The following RAB3A variants were observed in gnomAD, a reference collection of about 807,000 sequenced individuals.
RAB3A encodes ras-related protein Rab-3A.
Under a neutral mutation model 19.7 loss-of-function variants are expected in RAB3A, and 5 were observed. The observed-to-expected ratio is 0.25, with a 90% CI of 0.13 to 0.53. RAB3A has a LOEUF of 0.53. RAB3A is among the 20% of genes least tolerant of loss of function. The pLI is 0.95. For synonymous variants in RAB3A, 119 were observed against 122.1 expected (o/e 0.97, Z 0.17); for missense variants, 189 against 305.6 (o/e 0.62, Z 2.85).
At position 18,202,824 on chromosome 19, in the gene RAB3A, C is replaced by T; in HGVS notation, c.1-84G>A. 3 of 1,095,066 alleles carry T rather than the reference C, an allele frequency of 2.7e-6. No individual in the cohort carries two copies. Among genetic ancestry groups the T allele is most frequent in the Non-Finnish European group, 4.1e-6 (3 of 726,938 alleles). The allele number at this position is 1,095,066 out of a possible 1,614,324, so 67.8% of individuals were successfully genotyped here. ...AAGCCCAGGCAGAAGATGGCAAGGG[C>T]TCCAGAAAACGGCCGGTGTATGGAG... On this transcript the variant is annotated intron_variant, in intron 1 of 4. Coordinates refer to ENST00000222256, the MANE Select transcript of RAB3A (RefSeq NM_002866.5). This position sits in a 1 kb window ranked among gnomAD's most constrained non-coding sequence, Gnocchi z 4.2.
In RAB3A at chr19:18,197,299, C is replaced by T. The variant is rs1365691095; in HGVS notation, c.*171G>A. 3.0e-6 allele frequency: 2 copies of T among 658,886 alleles called. No homozygotes were observed. The highest frequency in any genetic ancestry group is 2.5e-6 in the Non-Finnish European group (1 of 403,130). The allele number at this position is 658,886 out of a possible 1,614,324, so 40.8% of individuals were successfully genotyped here. A position where few individuals can be genotyped will look rare whatever the true frequency, so the allele number is the denominator to read the frequency against. ...GGGGCGGGCAGGGGAGCCTGGGCCC[C>T]TGGGGGACATCTTCAATAAATAAAT... On this transcript the variant is annotated 3_prime_UTR_variant, in exon 5 of 5. Transcript: ENST00000222256.
chr19:18,203,743 C>A (rs1035809675), intron 1 of RAB3A, among the ~76,000 whole-genome samples, 153 bp downstream of exon 1: 2 of 152,196 alleles, frequency 1.3e-5, no homozygotes, highest in African/African-American at 4.8e-5. Flanking sequence ...GTGGGGCGCC[C>A]GGGCCCTACC....
chr19:18,199,359 G>A (rs969229675), intron 3 of RAB3A, among the ~76,000 whole-genome samples: 3 of 151,906 alleles, frequency 2.0e-5, no homozygotes, highest in Non-Finnish European at 4.4e-5. Flanking sequence ...GTTTCACTAT[G>A]TTGGCCACGA....
chr19:18,197,125 C>T lies in RAB3A; in HGVS notation c.*345G>A, dbSNP rs1967537584. The T allele has an allele frequency of 3.6e-6, 1 of 275,644 alleles. No individual in the cohort carries two copies. The highest frequency in any genetic ancestry group is 6.8e-6 in the Non-Finnish European group (1 of 147,594). 17.1% of individuals were successfully genotyped at this position (275,644 alleles called of 1,614,324 possible). A position where few individuals can be genotyped will look rare whatever the true frequency, so the allele number is the denominator to read the frequency against. ...GCCTGCTTTAGGGTGTCATCTGGCCCCTCTTCACAACTGACAACTGTGGAT... is the reference window on the plus strand; with the variant it reads ...GCCTGCTTTAGGGTGTCATCTGGCCTCTCTTCACAACTGACAACTGTGGAT... On this transcript the variant is annotated 3_prime_UTR_variant, in exon 5 of 5. Transcript: ENST00000222256.
rs902686704 is a variant in RAB3A at position 18,198,756 on chromosome 19, T to C, written c.441A>G (p.Ser147=). 4 of 1,614,208 alleles carry C rather than the reference T, an allele frequency of 2.5e-6. No individual in the cohort carries two copies. Among genetic ancestry groups the C allele is most frequent in the Non-Finnish European group, 3.4e-6 (4 of 1,180,040 alleles). ...CDMEDERVVS[S]ERGRQLADHL... is the part of the protein sequence containing the mutation. Reference sequence around the variant, plus strand: ...GGTCAGCTAGCTGCCGGCCACGTTCTGATGACACCACCCGCTCATCCTCCA... The same window carrying C: ...GGTCAGCTAGCTGCCGGCCACGTTCCGATGACACCACCCGCTCATCCTCCA... The change falls in exon 4 of 5, where the codon TCA becomes TCG. Residue 147 remains serine, a synonymous_variant. Coordinates refer to ENST00000222256, the MANE Select transcript of RAB3A (RefSeq NM_002866.5).
At chr19:18,198,598 G>A (rs1967566948) in intron 4 of RAB3A, 127 bp downstream of exon 4, 9 of 1,243,014 alleles carry the variant, frequency 7.2e-6, no homozygotes, top group Non-Finnish European at 1.0e-5. Flanking sequence ...ATGGCTCCTG[G>A]ATGAAGGCTA....
chr19:18,198,550 A>G (rs1568651874), intron 4 of RAB3A, among the ~76,000 whole-genome samples, 175 bp downstream of exon 4: 1 of 152,170 alleles, frequency 6.6e-6, no homozygotes, highest in Non-Finnish European at 1.5e-5. Context: ...AACTTTCTGC[A>G]TGGCAAACTC....
intron 2 of RAB3A, among the ~76,000 whole-genome samples, chr19:18,200,813 T>C (rs1381301971): frequency 1.3e-5 from 2 of 152,080 alleles, no homozygotes; most frequent in African/African-American, 4.8e-5. Context: ...CTCACACCTG[T>C]AGTCCCAACT....
At chr19:18,203,456 C>A (rs73001430) in intron 1 of RAB3A, among the ~76,000 whole-genome samples, 4,547 of 152,306 alleles carry the variant, frequency 0.03, 130 homozygotes, top group Non-Finnish European at 0.042. Context: ...CGGGCCATAC[C>A]TGCACAGGCG....
In RAB3A at chr19:18,202,731, C is replaced by T. The variant is rs1371159424; in HGVS notation, c.10G>A (p.Ala4Thr). 5 of 1,613,664 alleles carry T rather than the reference C, an allele frequency of 3.1e-6. No homozygotes were observed. The highest frequency in any genetic ancestry group is 3.3e-5 in the Admixed American group (2 of 59,992). ...TTCTGCCCATAGCGCGAGTCTGTGGCGGATGCCATCTGGGGATACCGGGTG... is the reference window on the plus strand; with the variant it reads ...TTCTGCCCATAGCGCGAGTCTGTGGTGGATGCCATCTGGGGATACCGGGTG... MAS[A>T]TDSRYGQKES... Residue 4 changes from alanine to threonine, a missense_variant, in exon 2 of 5, where the codon GCC (alanine) becomes ACC (threonine). By Grantham distance (58) the Ala-to-Thr change is moderately conservative. Coordinates refer to ENST00000222256, the MANE Select transcript of RAB3A (RefSeq NM_002866.5). This position sits in a 1 kb window ranked among gnomAD's most constrained non-coding sequence, Gnocchi z 4.2.
At chr19:18,201,693 G>T (rs561867742) in intron 2 of RAB3A, among the ~76,000 whole-genome samples, 1 of 152,198 alleles carries the variant, frequency 6.6e-6, no homozygotes, top group East Asian at 1.9e-4. Flanking sequence ...CACTTCCCTT[G>T]CTAAGTGACA....
chr19:18,197,255 T>C lies in RAB3A; in HGVS notation c.*215A>G, dbSNP rs1292532596. On this transcript the variant is annotated 3_prime_UTR_variant, in exon 5 of 5. Transcript: ENST00000222256. The stretch of plus-strand genomic sequence containing the variant: ...AGCTGAGTGGGGAAAGGGCTATATG[T>C]ACAGGAGGGGCAGGGCTTGGGGCGG... The C allele has an allele frequency of 1.3e-5, 7 of 556,832 alleles. No homozygotes were observed. The highest frequency in any genetic ancestry group is 9.3e-4 in the Middle Eastern group (2 of 2,158). The allele number at this position is 556,832 out of a possible 1,614,324, so 34.5% of individuals were successfully genotyped here. A position where few individuals can be genotyped will look rare whatever the true frequency, so the allele number is the denominator to read the frequency against.
chr19:18,201,899 T>A (rs1346723528), intron 2 of RAB3A, among the ~76,000 whole-genome samples: 1 of 151,530 alleles, frequency 6.6e-6, no homozygotes, highest in Non-Finnish European at 1.5e-5. Context: ...AGCCCACGAG[T>A]TCAAATCCAG....
Position 18,197,562 on chromosome 19 carries a change from A to G in RAB3A, c.571T>C (p.Leu191=). 2 of 1,613,984 alleles carry G rather than the reference A, an allele frequency of 1.2e-6. No homozygotes were observed. The highest frequency in any genetic ancestry group is 1.7e-6 in the Non-Finnish European group (2 of 1,180,002). ...GTGACCGCAGGGTCCGCCGTGTCCAACGACTCGGACATCTTCTCGCAGATG... is the reference window on the plus strand; with the variant it reads ...GTGACCGCAGGGTCCGCCGTGTCCAGCGACTCGGACATCTTCTCGCAGATG... ...DVICEKMSES[L]DTADPAVTGA... is the part of the protein sequence containing the mutation. The change falls in exon 5 of 5, where the codon TTG becomes CTG. Residue 191 remains leucine, a synonymous_variant. Transcript: ENST00000222256.
chr19:18,200,750 C>T (rs1233492061), intron 2 of RAB3A, among the ~76,000 whole-genome samples: 1 of 151,952 alleles, frequency 6.6e-6, no homozygotes, highest in Non-Finnish European at 1.5e-5. Context: ...GCCTGAGCAA[C>T]ATAGCAAGAC....
rs757641964 is a variant in RAB3A at position 18,202,967 on chromosome 19, G to A, written c.1-227C>T. The A allele has an allele frequency of 1.3e-5, 7 of 523,450 alleles. No individual in the cohort carries two copies. The highest frequency in any genetic ancestry group is 2.4e-5 in the Non-Finnish European group (7 of 290,696). The allele number at this position is 523,450 out of a possible 1,614,324, so 32.4% of individuals were successfully genotyped here. A position where few individuals can be genotyped will look rare whatever the true frequency, so the allele number is the denominator to read the frequency against. ...GAGGGGCTCAGAGGGTTGCCGATGG[G>A]GACACCCCAGCAGCCCCCTTCAAGG... On this transcript the variant is annotated intron_variant, in intron 1 of 4. Coordinates refer to ENST00000222256, the MANE Select transcript of RAB3A (RefSeq NM_002866.5). The surrounding 1 kb of genome is among the most constrained non-coding windows in gnomAD (Gnocchi z 4.2).
At chr19:18,197,836 G>A (rs1366958031) in intron 4 of RAB3A, among the ~76,000 whole-genome samples, 176 bp from the exon 5 acceptor site, 1 of 84,798 alleles carries the variant, frequency 1.2e-5, no homozygotes, top group African/African-American at 3.3e-5. Flanking sequence ...ATCCCACAGA[G>A]AAGCAACATG....
In RAB3A at chr19:18,200,449, G is replaced by C. The variant is rs750614430; in HGVS notation, c.229-4C>G. On this transcript the variant is annotated splice_region_variant and splice_polypyrimidine_tract_variant and intron_variant, in intron 2 of 4. Coordinates refer to ENST00000222256, the MANE Select transcript of RAB3A (RefSeq NM_002866.5). ...ACCGCTCTTGCCCTGCTGTGTCCTA[G>C]GGAGGAAGAGATGAAGGTCAGAGAG... 3.1e-6 allele frequency: 5 copies of C among 1,605,682 alleles called. No individual in the cohort carries two copies. Among genetic ancestry groups the C allele is most frequent in the Non-Finnish European group, 4.3e-6 (5 of 1,176,368 alleles).
At chr19:18,201,772 G>T (rs1162697032) in intron 2 of RAB3A, among the ~76,000 whole-genome samples, 3 of 152,100 alleles carry the variant, frequency 2.0e-5, no homozygotes, top group Non-Finnish European at 4.4e-5. Context: ...GGACCAAGGA[G>T]AAAAATCAAG....
Sources: allele counts gnomAD v4.1 joint callset (sites outside exome capture counted in the v4.1 genomes callset), GRCh38; gene constraint gnomAD v4.1.1; non-coding constraint Gnocchi (gnomAD v3.1); transcripts MANE v1.5; gene names NCBI Gene and HGNC (gene_info 2026-07-23, HGNC 2026-07-21).